ARFGAP2: variants seen among roughly 807,000 people sequenced by gnomAD.
ARFGAP2 encodes the protein ADP-ribosylation factor GTPase-activating protein 2.
ARFGAP2 carries 45 observed loss-of-function variants against 71.9 expected under a neutral mutation model. The observed-to-expected ratio is 0.63, with a 90% CI of 0.49 to 0.80. The LOEUF (loss-of-function observed/expected upper bound fraction) is 0.80, where lower values mean the gene tolerates loss of function less well. ARFGAP2 is among the 30% of genes least tolerant of loss of function. The pLI is 0.00. For synonymous variants in ARFGAP2, 248 were observed against 249.2 expected (o/e 1.00, Z 0.05); for missense variants, 633 against 673.9 (o/e 0.94, Z 0.67).
chr11:47,175,378 G>A (rs1336761971), intron 3 of ARFGAP2, 65 bp from the exon 4 acceptor site: 3 of 1,609,376 alleles, frequency 1.9e-6, no homozygotes, highest in South Asian at 2.2e-5. Flanking sequence ...CGTGTTGGCT[G>A]TAGGAGACAT....
At chr11:47,173,356 G>C in intron 7 of ARFGAP2, 70 bp downstream of exon 7, 1 of 1,521,938 alleles carries the variant, frequency 6.6e-7, no homozygotes, top group Non-Finnish European at 8.9e-7. Flanking sequence ...CAGGCAGTAG[G>C]ACCTCTGAAA....
chr11:47,166,875 C>T lies in ARFGAP2; in HGVS notation c.1217G>A (p.Arg406Gln), dbSNP rs200794218. ...IRPISERATN[R>Q]REVESRSSGL... ...TGAGCTCCGGCTCTCCACTTCCCTCCGGTTTGTGGCTCTGAGGGGAAGATG... is the reference window on the plus strand; with the variant it reads ...TGAGCTCCGGCTCTCCACTTCCCTCTGGTTTGTGGCTCTGAGGGGAAGATG... The change falls in exon 13 of 16, where the codon CGG becomes CAG. Residue 406 changes from arginine to glutamine, a missense_variant. Arg to Gln is a conservative substitution (Grantham distance 43, BLOSUM62 1). Coordinates refer to ENST00000524782, the MANE Select transcript of ARFGAP2 (RefSeq NM_032389.6). 109 of 1,613,538 alleles carry T rather than the reference C, an allele frequency of 6.8e-5. No individual in the cohort carries two copies. Among genetic ancestry groups the T allele is most frequent in the Middle Eastern group, 4.9e-4 (3 of 6,082 alleles).
chr11:47,176,872 A>C lies in ARFGAP2; in HGVS notation c.-19T>G, dbSNP rs746030020. The C allele has an allele frequency of 1.9e-6, 3 of 1,610,182 alleles. No individual in the cohort carries two copies. Among genetic ancestry groups the C allele is most frequent in the African/African-American group, 2.7e-5 (2 of 74,900 alleles). On this transcript the variant is annotated 5_prime_UTR_variant, in exon 1 of 16. Coordinates refer to ENST00000524782, the MANE Select transcript of ARFGAP2 (RefSeq NM_032389.6). ...CCGCCATTTTCTCTCCTTCCCAGAC[A>C]CAACCGCGGCTGACGGGTCCCGCCG...
intron 7 of ARFGAP2, 127 bp downstream of exon 7, chr11:47,173,299 G>T (rs1249359955): frequency 8.9e-7 from 1 of 1,127,314 alleles, no homozygotes. Flanking sequence ...CCCCACTCCA[G>T]AGAATCAGAT....
At chr11:47,169,752 G>A (rs756377289) in intron 10 of ARFGAP2, among the ~76,000 whole-genome samples, 5 of 152,128 alleles carry the variant, frequency 3.3e-5, no homozygotes, top group Non-Finnish European at 7.4e-5. Flanking sequence ...CTTGAACCCC[G>A]GAGGCGGAGG....
intron 10 of ARFGAP2, 147 bp from the exon 11 acceptor site, chr11:47,168,398 C>G: frequency 9.5e-7 from 1 of 1,052,596 alleles, no homozygotes; most frequent in Non-Finnish European, 1.3e-6. Flanking sequence ...CTGGGCCAGA[C>G]CCCAACAGAA....
At chr11:47,174,806 G>C in intron 5 of ARFGAP2, 1 of 596,886 alleles carries the variant, frequency 1.7e-6, no homozygotes, top group East Asian at 2.8e-5. Context: ...ATTTATAGGA[G>C]TCGATTTCTA....
At chr11:47,173,051 CA>C (rs1952663136) in intron 7 of ARFGAP2, 2 of 368,778 alleles carry the variant, frequency 5.4e-6, no homozygotes, top group Admixed American at 7.9e-5. Context: ...ATGTCACCTC[CA>C]GCCTTCGGCA....
chr11:47,165,491 A>G lies in ARFGAP2; in HGVS notation c.1557T>C (p.Gly519=), dbSNP rs1345866359. 1.3e-6 allele frequency: 2 copies of G among 1,574,738 alleles called. No individual in the cohort carries two copies. Among genetic ancestry groups the G allele is most frequent in the African/African-American group, 1.4e-5 (1 of 71,912 alleles). ...AGTCACAGAGCTCGGATCAGTAGGA[A>G]CCGTAGCGATCCTGGGGGCGAGGGG... ...GVMNSLQDRY[G]SY The change falls in exon 16 of 16, where the codon GGT becomes GGC. Residue 519 remains glycine, a synonymous_variant. Coordinates refer to ENST00000524782, the MANE Select transcript of ARFGAP2 (RefSeq NM_032389.6).
chr11:47,176,490 A>G, intron 2 of ARFGAP2, 26 bp downstream of exon 2: 1 of 1,608,456 alleles, frequency 6.2e-7, no homozygotes, highest in South Asian at 1.1e-5. Context: ...CCGGGTGGAA[A>G]CACGGCAACC....
chr11:47,173,705 CCT>C (rs1952683295), intron 6 of ARFGAP2, 52 bp downstream of exon 6: 3 of 1,541,782 alleles, frequency 1.9e-6, no homozygotes, highest in Admixed American at 1.9e-5. Context: ...CCTTCCAAAC[CCT>C]GAGTCCTCTC....
At chr11:47,173,305 C>CAGAT (rs1952669985) in intron 7 of ARFGAP2, 121 bp downstream of exon 7, 2 of 1,162,550 alleles carry the variant, frequency 1.7e-6, no homozygotes, top group Admixed American at 4.0e-5. Context: ...TCCAGAGAAT[C>CAGAT]AGATAGATGC....
intron 3 of ARFGAP2, 119 bp from the exon 4 acceptor site, chr11:47,175,432 G>T: frequency 6.9e-7 from 1 of 1,442,348 alleles, no homozygotes; most frequent in Non-Finnish European, 9.7e-7. Flanking sequence ...GATGATACAC[G>T]CTACTGACAC....
chr11:47,175,618 G>A (rs1012459946), intron 3 of ARFGAP2: 2 of 623,262 alleles, frequency 3.2e-6, no homozygotes, highest in Non-Finnish European at 2.8e-6. Context: ...GACTGTGAAG[G>A]CTCCCAACTC....
intron 8 of ARFGAP2, 58 bp downstream of exon 8, chr11:47,172,223 C>A: frequency 6.4e-7 from 1 of 1,560,850 alleles, no homozygotes; most frequent in African/African-American, 1.4e-5. Context: ...AAGGAGTGAA[C>A]CCAGGTAGCC....
At chr11:47,166,721 C>T in intron 13 of ARFGAP2, 39 bp downstream of exon 13, 1 of 1,604,790 alleles carries the variant, frequency 6.2e-7, no homozygotes, top group Non-Finnish European at 8.5e-7. Context: ...CATGCTTCTG[C>T]CTGCTGCCTC....
At chr11:47,175,737 T>C in intron 3 of ARFGAP2, 114 bp downstream of exon 3, 1 of 1,207,956 alleles carries the variant, frequency 8.3e-7, no homozygotes, top group Non-Finnish European at 1.2e-6. Flanking sequence ...TATGGTGGTG[T>C]TATAGAACAG....
At position 47,176,877 on chromosome 11, in the gene ARFGAP2, C is replaced by A. The variant is rs775542993; in HGVS notation, c.-24G>T. On this transcript the variant is annotated 5_prime_UTR_variant, in exon 1 of 16. Coordinates refer to ENST00000524782, the MANE Select transcript of ARFGAP2 (RefSeq NM_032389.6). ...ATTTTCTCTCCTTCCCAGACACAAC[C>A]GCGGCTGACGGGTCCCGCCGCGGGC... 1.7e-5 allele frequency: 28 copies of A among 1,606,520 alleles called. No homozygotes were observed. The highest frequency in any genetic ancestry group is 1.7e-6 in the Non-Finnish European group (2 of 1,176,716).
Position 47,164,402 on chromosome 11 carries a change from G to GGAGGGGC in ARFGAP2, c.*1073_*1079dup. 1.1e-6 allele frequency: 1 copy of GGAGGGGC among 885,618 alleles called. No homozygotes were observed. Among genetic ancestry groups the GGAGGGGC allele is most frequent in the South Asian group, 2.0e-5 (1 of 50,898 alleles). The allele number at this position is 885,618 out of a possible 1,614,324, so 54.9% of individuals were successfully genotyped here. A position where few individuals can be genotyped will look rare whatever the true frequency, so the allele number is the denominator to read the frequency against. On this transcript the variant is annotated 3_prime_UTR_variant, in exon 16 of 16. Coordinates refer to ENST00000524782, the MANE Select transcript of ARFGAP2 (RefSeq NM_032389.6). ...AGAAAGAAAGTCAAGTCCCTCTGGG[G>GGAGGGGC]GAGGGGCAAGGGGAAGAGTGGTCTG...
Sources: gnomAD v4.1 joint callset for allele counts (sites outside exome capture counted in the v4.1 genomes callset) on GRCh38, gnomAD v4.1.1 for gene constraint, MANE v1.5 for transcripts, NCBI Gene and HGNC (gene_info 2026-07-23, HGNC 2026-07-21) for gene names.